Variants in TNIK observed in about 807,000 individuals in gnomAD.
The protein encoded by TNIK is TRAF2 and NCK-interacting protein kinase.
TNIK carries 49 observed loss-of-function variants against 191.3 expected under a neutral mutation model. The ratio of observed to expected loss-of-function variants is 0.26; its 90% CI spans 0.20 to 0.32. The LOEUF is 0.32. Ranked by LOEUF, TNIK falls within the 10% of genes least tolerant of loss-of-function variation. The probability of loss-of-function intolerance (pLI) is 1.00; values close to 1 mark genes in which losing one functional copy is unlikely to be tolerated. For missense variants in TNIK, 1,155 were observed against 1,702.3 expected, an observed-to-expected ratio of 0.68 and a Z score of 5.66; for synonymous variants, 594 against 600.9, an observed-to-expected ratio of 0.99 and a Z score of 0.17.
At chr3:171,451,167 G>A (rs1728124125) in intron 1 of TNIK, among the ~76,000 whole-genome samples, 1 of 152,202 alleles carries the variant, frequency 6.6e-6, no homozygotes, top group African/African-American at 2.4e-5. Context: ...AAATGATGGT[G>A]TGTGATTTCC....
intron 21 of TNIK, among the ~76,000 whole-genome samples, chr3:171,103,872 A>G (rs1401624772): frequency 1.3e-5 from 2 of 152,108 alleles, no homozygotes; most frequent in African/African-American, 2.4e-5. Flanking sequence ...AATCAAAATT[A>G]TTTTAGAAAT....
chr3:171,274,116 G>A (rs962774284), intron 2 of TNIK, among the ~76,000 whole-genome samples: 1 of 152,102 alleles, frequency 6.6e-6, no homozygotes, highest in East Asian at 1.9e-4. Flanking sequence ...GAGCCCCAGG[G>A]CCCTCTATCC....
chr3:171,450,897 G>C (rs937984315), intron 1 of TNIK, among the ~76,000 whole-genome samples: 1 of 152,212 alleles, frequency 6.6e-6, no homozygotes, highest in Non-Finnish European at 1.5e-5. Context: ...AACTTATTAG[G>C]CTCCAGTTGG....
intron 15 of TNIK, among the ~76,000 whole-genome samples, chr3:171,131,298 A>G (rs1236555870): frequency 8.0e-6 from 1 of 125,418 alleles, no homozygotes. Flanking sequence ...AGATCGCGCC[A>G]CTGCACTCCA....
chr3:171,153,912 C>T (rs1732806977), intron 12 of TNIK, among the ~76,000 whole-genome samples: 1 of 152,080 alleles, frequency 6.6e-6, no homozygotes, highest in Non-Finnish European at 1.5e-5. Context: ...TAAATGATTA[C>T]TTGGCTGATT....
intron 4 of TNIK, among the ~76,000 whole-genome samples, chr3:171,202,852 C>T (rs1739584060): frequency 6.6e-6 from 1 of 152,192 alleles, no homozygotes; most frequent in African/African-American, 2.4e-5. Context: ...TTAGGCATAT[C>T]TATATTTGCC....
chr3:171,206,103 T>C (rs1740037686), intron 4 of TNIK, among the ~76,000 whole-genome samples: 1 of 152,196 alleles, frequency 6.6e-6, no homozygotes, highest in Non-Finnish European at 1.5e-5. Flanking sequence ...TTATTTATTA[T>C]GTTTATTGTT....
In TNIK at chr3:171,058,688, T is replaced by TA. The variant is rs1303086614; in HGVS notation, c.*5192dup. Among the ~76,000 whole-genome samples, 1 of 152,196 alleles carries TA rather than the reference T, an allele frequency of 6.6e-6. No individual in the cohort carries two copies. The highest frequency in any genetic ancestry group is 1.5e-5 in the Non-Finnish European group (1 of 68,028). ...TTAGCAAATGTTTGACAATTTAAAA[T>TA]ACTTTTGAAAACTGGAGATTTAAAA... On this transcript the variant is annotated 3_prime_UTR_variant, in exon 33 of 33. Coordinates refer to ENST00000436636, the MANE Select transcript of TNIK (RefSeq NM_015028.4).
intron 10 of TNIK, among the ~76,000 whole-genome samples, chr3:171,161,568 T>A (rs1412502758): frequency 6.6e-6 from 1 of 152,206 alleles, no homozygotes; most frequent in Admixed American, 6.5e-5. Context: ...AGTGTTCACA[T>A]GAGAAGGAAT....
intron 1 of TNIK, among the ~76,000 whole-genome samples, chr3:171,413,078 T>G (rs1722613835): frequency 6.6e-6 from 1 of 152,236 alleles, no homozygotes; most frequent in Non-Finnish European, 1.5e-5. Flanking sequence ...ATTTTGCATA[T>G]GCAGTATTCA....
chr3:171,417,128 A>G (rs1202380170), intron 1 of TNIK, among the ~76,000 whole-genome samples: 1 of 152,254 alleles, frequency 6.6e-6, no homozygotes, highest in African/African-American at 2.4e-5. Flanking sequence ...TGGAACTTGC[A>G]TTCAGTTGCC....
At position 171,364,327 on chromosome 3, in the gene TNIK, A is replaced by G. The variant is rs374918931; in HGVS notation, c.123+5293T>C. Among the ~76,000 whole-genome samples, 12 of 152,248 alleles carry G rather than the reference A, an allele frequency of 7.9e-5. No homozygotes were observed. The South Asian group carries it at 2.3e-3, about 29-fold the overall frequency. On this transcript the variant is annotated intron_variant, in intron 2 of 32. Transcript: ENST00000436636. The stretch of plus-strand genomic sequence containing the variant: ...GTCTTGCTTCTGCAGACTACTGGTA[A>G]TTCATTAAACATAAGATCCACATCC...
At chr3:171,244,364 C>G (rs1745354790) in intron 2 of TNIK, among the ~76,000 whole-genome samples, 1 of 152,090 alleles carries the variant, frequency 6.6e-6, no homozygotes. Context: ...TGCGCCCGGC[C>G]AGAAATAAAA....
chr3:171,305,295 CT>C (rs1560402584), intron 2 of TNIK, among the ~76,000 whole-genome samples: 1 of 152,080 alleles, frequency 6.6e-6, no homozygotes, highest in African/African-American at 2.4e-5. Flanking sequence ...CTGAAACACT[CT>C]TTTCCCATTA....
At chr3:171,188,602 T>C (rs1737658751) in intron 7 of TNIK, 100 bp downstream of exon 7, 3 of 1,439,806 alleles carry the variant, frequency 2.1e-6, no homozygotes, top group Non-Finnish European at 2.8e-6. Context: ...CAGTTCTCCC[T>C]TTGGGTGACA....
intron 12 of TNIK, among the ~76,000 whole-genome samples, chr3:171,150,964 G>C (rs1732357415): frequency 6.6e-6 from 1 of 152,160 alleles, no homozygotes; most frequent in African/African-American, 2.4e-5. Flanking sequence ...AAAATTAACA[G>C]TACTATACTT....
chr3:171,370,593 A>G (rs1485016877), intron 1 of TNIK, among the ~76,000 whole-genome samples: 2 of 152,194 alleles, frequency 1.3e-5, no homozygotes, highest in African/African-American at 2.4e-5. Context: ...TTAAATGTCT[A>G]CAGAGGCCAG....
chr3:171,141,051 C>G (rs1730758858), intron 12 of TNIK, among the ~76,000 whole-genome samples: 1 of 152,154 alleles, frequency 6.6e-6, no homozygotes, highest in African/African-American at 2.4e-5. Context: ...TGCTGCCTGT[C>G]TGTGTTTTCT....
At chr3:171,197,229 C>T (rs1276364512) in intron 4 of TNIK, among the ~76,000 whole-genome samples, 1 of 152,092 alleles carries the variant, frequency 6.6e-6, no homozygotes, top group African/African-American at 2.4e-5. Context: ...CTTTACCTCA[C>T]ACCCTATACA....
Sources: allele counts gnomAD v4.1 joint callset (sites outside exome capture counted in the v4.1 genomes callset), GRCh38; gene constraint gnomAD v4.1.1; transcripts MANE v1.5; gene names NCBI Gene and HGNC (gene_info 2026-07-23, HGNC 2026-07-21).